The following ANO2 variants were observed in gnomAD, a reference collection of about 807,000 sequenced individuals.
ANO2 encodes anoctamin 2.
A neutral mutation model predicts 124.2 loss-of-function variants in ANO2; 101 were observed. That is an observed-to-expected ratio of 0.81 (90% confidence interval 0.69 to 0.96). The LOEUF (loss-of-function observed/expected upper bound fraction) is 0.96, where lower values mean the gene tolerates loss of function less well. ANO2 is among the 40% of genes least tolerant of loss of function. The probability of loss-of-function intolerance (pLI) is 0.00; values close to 1 mark genes in which losing one functional copy is unlikely to be tolerated. For synonymous variants in ANO2, 486 were observed against 482.5 expected, an observed-to-expected ratio of 1.01 and a Z score of -0.09; for missense variants, 1,293 against 1,274.5, an observed-to-expected ratio of 1.01 and a Z score of -0.22.
intron 4 of ANO2, among the ~76,000 whole-genome samples, chr12:5,840,548 G>A (rs1425917980): frequency 6.6e-6 from 1 of 152,110 alleles, no homozygotes; most frequent in East Asian, 1.9e-4. Flanking sequence ...ACATGCCCAA[G>A]GTGCACAAAC....
intron 3 of ANO2, among the ~76,000 whole-genome samples, chr12:5,916,856 A>C (rs1941410792): frequency 1.3e-5 from 2 of 152,170 alleles, no homozygotes; most frequent in African/African-American, 4.8e-5. Flanking sequence ...CAGATCAGTG[A>C]TAGTAATGTG....
In ANO2 at chr12:5,769,380, G is replaced by A. The variant is rs897756781; in HGVS notation, c.1056-18410C>T. Among the ~76,000 whole-genome samples the A allele has an allele frequency of 6.6e-6, 1 of 152,116 alleles. No homozygotes were observed. Among genetic ancestry groups the A allele is most frequent in the African/African-American group, 2.4e-5 (1 of 41,428 alleles). On this transcript the variant is annotated intron_variant, in intron 10 of 24. Coordinates refer to ENST00000682330, the MANE Select transcript of ANO2 (RefSeq NM_001364791.2). The surrounding 1 kb of genome is among the most constrained non-coding windows in gnomAD (Gnocchi z 4.0). ...AGGAGCAAACAGGCCCAAAGACCAA[G>A]AAAGAGAGCCAGGGGCCAGACGAGC...
intron 23 of ANO2, 23 bp from the exon 24 acceptor site, chr12:5,565,686 T>C (rs747871164): frequency 1.4e-5 from 22 of 1,556,904 alleles, no homozygotes; most frequent in South Asian, 1.2e-5. Flanking sequence ...AAATGTGGTG[T>C]TAAGATCAGG....
At chr12:5,566,598 C>T (rs1351409462) in intron 23 of ANO2, among the ~76,000 whole-genome samples, 1 of 152,184 alleles carries the variant, frequency 6.6e-6, no homozygotes, top group African/African-American at 2.4e-5. Flanking sequence ...GGCCACCAAG[C>T]AATGATAGTG....
At chr12:5,751,004 T>C (rs890793171) in intron 10 of ANO2, 34 bp from the exon 11 acceptor site, 1 of 1,556,640 alleles carries the variant, frequency 6.4e-7, no homozygotes, top group African/African-American at 1.4e-5. Flanking sequence ...GAAACACATA[T>C]TAAGAACATC....
In ANO2 at chr12:5,565,540, C is replaced by T. The variant is rs757020525; in HGVS notation, c.2727+18G>A. 7.0e-6 allele frequency: 11 copies of T among 1,571,668 alleles called. No homozygotes were observed. The highest frequency in any genetic ancestry group is 8.7e-6 in the Non-Finnish European group (10 of 1,154,528). ...CAGCCCGGATTCGAATGGGCTATTC[C>T]CTATCCCAGCAACTCACCTGGAAGA... On this transcript the variant is annotated intron_variant, in intron 24 of 24. Transcript: ENST00000682330.
intron 4 of ANO2, among the ~76,000 whole-genome samples, chr12:5,849,304 G>A (rs1265749383): frequency 1.3e-5 from 2 of 152,174 alleles, no homozygotes. Flanking sequence ...AGCCTGCATC[G>A]ACCTTGTCTC....
intron 10 of ANO2, among the ~76,000 whole-genome samples, chr12:5,759,354 A>G (rs1227274910): frequency 1.3e-5 from 2 of 152,162 alleles, no homozygotes; most frequent in Non-Finnish European, 2.9e-5. Flanking sequence ...GTCATTATAT[A>G]GGATTTATAA....
intron 9 of ANO2, among the ~76,000 whole-genome samples, chr12:5,800,112 C>G (rs1952993851): frequency 6.6e-6 from 1 of 152,106 alleles, no homozygotes; most frequent in Non-Finnish European, 1.5e-5. Flanking sequence ...GAAGGCCTCT[C>G]TGAGGAGGTG....
chr12:5,599,496 A>C lies in ANO2; in HGVS notation c.2221T>G (p.Tyr741Asp). ...CATGGGTTCTCACTCATTTCCATGT[A>C]CTCCGGAGTCAGTCCTGTGTATGGT... ...LEPYTGLTPEYMEMIIQFGFV... is the reference protein window; with the variant it reads ...LEPYTGLTPEDMEMIIQFGFV... The change falls in exon 20 of 25, where the codon TAC becomes GAC. Residue 741 changes from tyrosine to aspartate, a missense_variant. Tyr to Asp is a radical substitution (Grantham distance 160). Transcript: ENST00000682330. 1 of 1,607,110 alleles carries C rather than the reference A, an allele frequency of 6.2e-7. No individual in the cohort carries two copies. Among genetic ancestry groups the C allele is most frequent in the Non-Finnish European group, 8.5e-7 (1 of 1,178,384 alleles).
intron 14 of ANO2, among the ~76,000 whole-genome samples, chr12:5,704,967 G>A (rs1430022022): frequency 3.3e-5 from 5 of 152,014 alleles, no homozygotes; most frequent in Non-Finnish European, 7.4e-5. Flanking sequence ...TCACTTCTGG[G>A]AAAATTGTAC....
chr12:5,781,102 C>T (rs2097478617), intron 10 of ANO2, among the ~76,000 whole-genome samples: 1 of 152,218 alleles, frequency 6.6e-6, no homozygotes, highest in Admixed American at 6.5e-5. Flanking sequence ...TCAGACAGCC[C>T]AAGCTCAGAG....
chr12:5,638,250 T>C (rs1403926072), intron 15 of ANO2, among the ~76,000 whole-genome samples: 1 of 146,036 alleles, frequency 6.8e-6, no homozygotes, highest in Non-Finnish European at 1.5e-5. Context: ...TTTTTTTTTT[T>C]TTTGAGACGG....
chr12:5,666,238 A>G (rs1161505411), intron 14 of ANO2, among the ~76,000 whole-genome samples: 3 of 152,256 alleles, frequency 2.0e-5, no homozygotes, highest in African/African-American at 7.2e-5. Context: ...AAAAGCTACC[A>G]GGACAATGAA....
rs1241989769 is a variant in ANO2 at position 5,739,348 on chromosome 12, A to G, written c.1403T>C (p.Phe468Ser). 1 of 1,607,544 alleles carries G rather than the reference A, an allele frequency of 6.2e-7. No homozygotes were observed. The highest frequency in any genetic ancestry group is 1.3e-5 in the African/African-American group (1 of 74,856). ...CTCTTCTATGCCAGTCAGGTCCCAA[A>G]AGTAGCCCAGTCGCATCTGTAGCCT... The part of the protein sequence containing the change: ...WKRLQMRLGY[F>S]WDLTGIEEEE... Residue 468 changes from phenylalanine (F) to serine (S), a missense_variant, in exon 13 of 25, where the codon TTT becomes TCT. Transcript: ENST00000682330.
intron 19 of ANO2, among the ~76,000 whole-genome samples, chr12:5,601,850 G>A (rs1309411978): frequency 2.6e-5 from 4 of 152,214 alleles, no homozygotes; most frequent in Admixed American, 6.5e-5. Flanking sequence ...GACAGTGTAC[G>A]AGGGAGTCAG....
intron 3 of ANO2, among the ~76,000 whole-genome samples, chr12:5,855,589 C>A (rs1955072943): frequency 6.6e-6 from 1 of 152,176 alleles, no homozygotes; most frequent in Non-Finnish European, 1.5e-5. Context: ...TTGACAATAT[C>A]TGAAAATAAC....
At chr12:5,684,619 TC>T (rs1193691581) in intron 14 of ANO2, among the ~76,000 whole-genome samples, 9 of 152,188 alleles carry the variant, frequency 5.9e-5, no homozygotes, top group African/African-American at 1.7e-4. Context: ...AAACATCACT[TC>T]ACCTAGGAAA....
intron 16 of ANO2, among the ~76,000 whole-genome samples, chr12:5,634,191 G>C (rs1945880650): frequency 6.6e-6 from 1 of 152,160 alleles, no homozygotes; most frequent in African/African-American, 2.4e-5. Flanking sequence ...TAGCAACACA[G>C]AAGTCAAAGC....
Sources: gnomAD v4.1 joint callset for allele counts (sites outside exome capture counted in the v4.1 genomes callset) on GRCh38, gnomAD v4.1.1 for gene constraint, Gnocchi (gnomAD v3.1) non-coding constraint, MANE v1.5 for transcripts, NCBI Gene and HGNC (gene_info 2026-07-23, HGNC 2026-07-21) for gene names.